DUSP16: variants seen among roughly 807,000 people sequenced by gnomAD.
DUSP16 encodes the protein dual specificity protein phosphatase 16.
Under a neutral mutation model 58.3 loss-of-function variants are expected in DUSP16, and 21 were observed. The ratio of observed to expected loss-of-function variants is 0.36; its 90% CI spans 0.26 to 0.52. The LOEUF is 0.52. DUSP16 is among the 20% of genes least tolerant of loss of function. The probability of loss-of-function intolerance (pLI) is 0.94; values close to 1 mark genes in which losing one functional copy is unlikely to be tolerated. For missense variants in DUSP16, 726 were observed against 819.0 expected (o/e 0.89, Z 1.39); for synonymous variants, 320 against 323.8 (o/e 0.99, Z 0.12).
chr12:12,547,002 CAT>C (rs1944649783), intron 1 of DUSP16, among the ~76,000 whole-genome samples: 1 of 152,156 alleles, frequency 6.6e-6, no homozygotes, highest in South Asian at 2.1e-4. Context: ...TATCATTGTC[CAT>C]ATGAGAGCCA....
At chr12:12,522,177 G>A (rs1431106397) in intron 1 of DUSP16, among the ~76,000 whole-genome samples, 1 of 152,218 alleles carries the variant, frequency 6.6e-6, no homozygotes, top group Non-Finnish European at 1.5e-5. Context: ...CCATGGCCCT[G>A]TCATGTCTCC....
Position 12,521,157 on chromosome 12 carries a change from G to A in DUSP16, c.-59C>T, listed in dbSNP as rs765816720. On this transcript the variant is annotated 5_prime_UTR_variant, in exon 2 of 7. Coordinates refer to ENST00000298573, the MANE Select transcript of DUSP16 (RefSeq NM_030640.3). ...TTTAATTTGCCACGATGATGTAATG[G>A]TGGTGTGCTCAAAGGCTCAGCCACT... is the stretch of plus-strand genomic sequence containing the variant. 1.9e-6 allele frequency: 3 copies of A among 1,578,018 alleles called. No individual in the cohort carries two copies. Among genetic ancestry groups the A allele is most frequent in the Non-Finnish European group, 2.6e-6 (3 of 1,162,130 alleles).
intron 1 of DUSP16, among the ~76,000 whole-genome samples, chr12:12,548,846 C>A (rs572300125): frequency 6.6e-6 from 1 of 151,790 alleles, no homozygotes; most frequent in African/African-American, 2.4e-5. Flanking sequence ...GGTCTGCAAT[C>A]GTGGAGAAAA....
chr12:12,486,692 T>G (rs1253809294), intron 5 of DUSP16, among the ~76,000 whole-genome samples: 1 of 152,204 alleles, frequency 6.6e-6, no homozygotes, highest in Non-Finnish European at 1.5e-5. Context: ...TCCCAAAGGC[T>G]TGTATAGGAT....
intron 3 of DUSP16, among the ~76,000 whole-genome samples, chr12:12,501,616 T>C (rs1039909667): frequency 8.6e-5 from 13 of 151,904 alleles, no homozygotes; most frequent in Non-Finnish European, 1.6e-4. Context: ...GATATACGCC[T>C]TGCTATTCAA....
chr12:12,508,292 A>G (rs749812005), intron 3 of DUSP16, among the ~76,000 whole-genome samples: 1 of 152,232 alleles, frequency 6.6e-6, no homozygotes, highest in Non-Finnish European at 1.5e-5. Flanking sequence ...ATCAGCAGAC[A>G]GTAAACATGG....
At chr12:12,512,381 T>C (rs2136224545) in intron 3 of DUSP16, among the ~76,000 whole-genome samples, 1 of 152,330 alleles carries the variant, frequency 6.6e-6, no homozygotes, top group East Asian at 1.9e-4. Flanking sequence ...AAGTATATGG[T>C]ACGTTTATTG....
At chr12:12,494,025 G>A (rs545057633) in intron 4 of DUSP16, among the ~76,000 whole-genome samples, 1 of 152,252 alleles carries the variant, frequency 6.6e-6, no homozygotes, top group South Asian at 2.1e-4. Context: ...ATAAACATTT[G>A]TTGGGCGAAT....
At chr12:12,558,704 AT>A (rs1944848301) in intron 1 of DUSP16, among the ~76,000 whole-genome samples, 1 of 152,164 alleles carries the variant, frequency 6.6e-6, no homozygotes, top group African/African-American at 2.4e-5. Flanking sequence ...TAATAAAAAA[AT>A]CTTGTGACTT....
chr12:12,500,371 A>G (rs1943890869), intron 4 of DUSP16, 148 bp downstream of exon 4: 1 of 867,892 alleles, frequency 1.2e-6, no homozygotes. Context: ...ACTCCAAGAG[A>G]TGACGCAACT....
intron 1 of DUSP16, among the ~76,000 whole-genome samples, chr12:12,548,581 G>A (rs1356878242): frequency 2.9e-5 from 4 of 136,732 alleles, no homozygotes; most frequent in Admixed American, 1.6e-4. Context: ...GCAGTGAGCC[G>A]AGATCGCACC....
At chr12:12,510,103 A>T (rs1407556791) in intron 3 of DUSP16, among the ~76,000 whole-genome samples, 1 of 151,628 alleles carries the variant, frequency 6.6e-6, no homozygotes, top group African/African-American at 2.4e-5. Flanking sequence ...ATGGCGCAGG[A>T]CTCCACACCG....
intron 1 of DUSP16, among the ~76,000 whole-genome samples, chr12:12,535,173 C>G (rs1240051760): frequency 1.3e-5 from 2 of 152,232 alleles, no homozygotes; most frequent in Non-Finnish European, 2.9e-5. Context: ...CCGCTCAGCC[C>G]TGCCCATCCT....
chr12:12,537,070 G>A (rs1339879686), intron 1 of DUSP16, among the ~76,000 whole-genome samples: 1 of 152,140 alleles, frequency 6.6e-6, no homozygotes, highest in Non-Finnish European at 1.5e-5. Flanking sequence ...ATAAAAGGCT[G>A]AAAAATAGGT....
At chr12:12,521,755 T>C (rs1046268095) in intron 1 of DUSP16, among the ~76,000 whole-genome samples, 1 of 152,204 alleles carries the variant, frequency 6.6e-6, no homozygotes, top group Non-Finnish European at 1.5e-5. Flanking sequence ...ACCTGTAGTA[T>C]TGAATTAAAA....
intron 4 of DUSP16, among the ~76,000 whole-genome samples, chr12:12,494,468 G>A (rs752878607): frequency 1.3e-5 from 2 of 152,172 alleles, no homozygotes; most frequent in Non-Finnish European, 2.9e-5. Flanking sequence ...ACAGTTGCAC[G>A]AATAATGATG....
rs948315024 is a variant in DUSP16 at position 12,552,425 on chromosome 12, G to A, written c.-366+9692C>T. ...CACACCACTGCACTCCAGCCTGGGC[G>A]ACAGAGCGAGACTATCTCAAAAAAA... On this transcript the variant is annotated intron_variant, in intron 1 of 6. Coordinates refer to ENST00000298573, the MANE Select transcript of DUSP16 (RefSeq NM_030640.3). 1.1e-4 allele frequency among the ~76,000 whole-genome samples: 17 copies of A among 151,950 alleles called. No homozygotes were observed. In the South Asian group the frequency reaches 2.7e-3, roughly 24 times the overall value.
chr12:12,543,244 G>C (rs1280511973), intron 1 of DUSP16, among the ~76,000 whole-genome samples: 1 of 152,216 alleles, frequency 6.6e-6, no homozygotes, highest in Non-Finnish European at 1.5e-5. Context: ...TACTGGGGTT[G>C]ACAACTGTAC....
chr12:12,536,916 G>A (rs1428376514), intron 1 of DUSP16, among the ~76,000 whole-genome samples: 1 of 152,116 alleles, frequency 6.6e-6, no homozygotes, highest in Non-Finnish European at 1.5e-5. Flanking sequence ...GCGCATTCCT[G>A]TAAGCCCAGC....
Sources: gnomAD v4.1 joint callset for allele counts (sites outside exome capture counted in the v4.1 genomes callset) on GRCh38, gnomAD v4.1.1 for gene constraint, MANE v1.5 for transcripts, NCBI Gene and HGNC (gene_info 2026-07-23, HGNC 2026-07-21) for gene names.